The following SPECC1L variants were observed in gnomAD, a reference collection of about 807,000 sequenced individuals.
SPECC1L encodes the protein cytospin-A.
A neutral mutation model predicts 116.8 loss-of-function variants in SPECC1L; 40 were observed. The ratio of observed to expected loss-of-function variants is 0.34; its 90% confidence interval spans 0.27 to 0.45. The LOEUF (loss-of-function observed/expected upper bound fraction) is 0.45. SPECC1L is among the 20% of genes least tolerant of loss of function. SPECC1L has a pLI of 1.00. For missense variants in SPECC1L, 1,110 were observed against 1,373.6 expected, an observed-to-expected ratio of 0.81 and a Z score of 3.03; for synonymous variants, 504 against 500.6, an observed-to-expected ratio of 1.01 and a Z score of -0.09.
intron 2 of SPECC1L, among the ~76,000 whole-genome samples, chr22:24,290,051 A>G (rs570419998): frequency 1.3e-5 from 2 of 152,202 alleles, no homozygotes; most frequent in East Asian, 3.9e-4. Flanking sequence ...CTTGGCCTCC[A>G]TCCCTCCACT....
At chr22:24,284,094 A>G (rs540171474) in intron 2 of SPECC1L, among the ~76,000 whole-genome samples, 16 of 151,886 alleles carry the variant, frequency 1.1e-4, no homozygotes, top group African/African-American at 3.9e-4. Context: ...TTTTGCTTAG[A>G]TGTTTATTCT....
intron 10 of SPECC1L, among the ~76,000 whole-genome samples, chr22:24,340,619 T>C (rs558266851): frequency 3.9e-5 from 6 of 152,234 alleles, no homozygotes; most frequent in Non-Finnish European, 8.8e-5. Context: ...TGTAAATCTT[T>C]GTAAAGATAG....
intron 14 of SPECC1L, among the ~76,000 whole-genome samples, chr22:24,369,554 G>A (rs2041835113): frequency 6.6e-6 from 1 of 152,052 alleles, no homozygotes; most frequent in African/African-American, 2.4e-5. Flanking sequence ...ATAATAATAA[G>A]CTGGCATGGT....
At chr22:24,379,510 C>T (rs1169438419) in intron 14 of SPECC1L, among the ~76,000 whole-genome samples, 1 of 151,998 alleles carries the variant, frequency 6.6e-6, no homozygotes, top group African/African-American at 2.4e-5. Context: ...TCTATGTTTA[C>T]CTTAATATAT....
intron 14 of SPECC1L, among the ~76,000 whole-genome samples, chr22:24,409,921 C>T (rs1397910668): frequency 6.6e-6 from 1 of 152,160 alleles, no homozygotes; most frequent in East Asian, 1.9e-4. Context: ...GTCCCAGCTA[C>T]TCAGGAGGCT....
At chr22:24,367,090 A>T (rs1431898218) in intron 13 of SPECC1L, among the ~76,000 whole-genome samples, 4 of 152,198 alleles carry the variant, frequency 2.6e-5, no homozygotes, top group African/African-American at 4.8e-5. Flanking sequence ...GCTACGTGGG[A>T]GGCTGAGGCC....
In SPECC1L at chr22:24,415,636, T is replaced by A. The variant is rs1409243926; in HGVS notation, c.*1013T>A. The A allele has an allele frequency of 6.6e-6, 1 of 152,440 alleles. No individual in the cohort carries two copies. Among genetic ancestry groups the A allele is most frequent in the East Asian group, 1.9e-4 (1 of 5,184 alleles). 9.4% of individuals were successfully genotyped at this position (152,440 alleles called of 1,614,324 possible). ...ACTCACTGAGTCACTAAGACATAATTCTCCTAGGCCAGAGTTAAAGAAAGT... is the reference window on the plus strand; with the variant it reads ...ACTCACTGAGTCACTAAGACATAATACTCCTAGGCCAGAGTTAAAGAAAGT... On this transcript the variant is annotated 3_prime_UTR_variant, in exon 17 of 17. Coordinates refer to ENST00000314328, the MANE Select transcript of SPECC1L (RefSeq NM_015330.6).
chr22:24,392,106 AATTGGCTCTCC>A (rs1453248753), intron 14 of SPECC1L, among the ~76,000 whole-genome samples: 1 of 152,156 alleles, frequency 6.6e-6, no homozygotes, highest in Non-Finnish European at 1.5e-5. Flanking sequence ...AAGACCATAC[AATTGGCTCTCC>A]AAGCTCCCAG....
At position 24,365,377 on chromosome 22, in the gene SPECC1L, G is replaced by T. The variant is rs185547481; in HGVS notation, c.2828-99G>T. The T allele has an allele frequency of 2.1e-5, 23 of 1,100,270 alleles. No homozygotes were observed. In the East Asian group the frequency reaches 5.0e-4, roughly 24 times the overall value. 68.2% of individuals were successfully genotyped at this position (1,100,270 alleles called of 1,614,324 possible). On this transcript the variant is annotated intron_variant, in intron 12 of 16. Transcript: ENST00000314328. ...CAATATTAGTTTTTCCTCCTGTATG[G>T]TAATATCTGTTGTTTTTGGAATCTT...
At chr22:24,381,266 A>C (rs204719) in intron 14 of SPECC1L, among the ~76,000 whole-genome samples, 1 of 152,222 alleles carries the variant, frequency 6.6e-6, no homozygotes. Context: ...AAAAATCTCA[A>C]TGTTTTCTGA....
intron 14 of SPECC1L, among the ~76,000 whole-genome samples, chr22:24,387,474 G>A (rs1278756614): frequency 6.6e-6 from 1 of 152,112 alleles, no homozygotes; most frequent in African/African-American, 2.4e-5. Context: ...TTCACTTTGT[G>A]AAAATTCTTT....
At chr22:24,334,263 C>T (rs1231277718) in intron 8 of SPECC1L, 147 bp from the exon 9 acceptor site, 19 of 727,428 alleles carry the variant, frequency 2.6e-5, no homozygotes, top group East Asian at 5.9e-5. Context: ...CCTCCTGCCT[C>T]GGCCTCCCAA....
At chr22:24,317,370 C>T (rs2146458869) in intron 4 of SPECC1L, among the ~76,000 whole-genome samples, 1 of 122,050 alleles carries the variant, frequency 8.2e-6, no homozygotes, top group South Asian at 2.7e-4. Context: ...GGGCTCCTCA[C>T]TTCCCAGTAG....
At chr22:24,396,473 T>G (rs1299032710) in intron 14 of SPECC1L, among the ~76,000 whole-genome samples, 1 of 152,088 alleles carries the variant, frequency 6.6e-6, no homozygotes, top group Non-Finnish European at 1.5e-5. Flanking sequence ...AATTTTTGTA[T>G]TTTTAGTTGA....
At chr22:24,323,076 A>T (rs932187085) in intron 5 of SPECC1L, 158 bp downstream of exon 5, 2 of 983,892 alleles carry the variant, frequency 2.0e-6, no homozygotes, top group African/African-American at 3.5e-5. Context: ...CTTTTATTGG[A>T]ATAGTGTGAA....
chr22:24,360,927 G>C (rs1033141568), intron 11 of SPECC1L, among the ~76,000 whole-genome samples: 2 of 152,148 alleles, frequency 1.3e-5, no homozygotes, highest in African/African-American at 4.8e-5. Flanking sequence ...ACAGAGTTCA[G>C]AATTCTGTGA....
At chr22:24,320,126 A>C (rs1292137570) in intron 4 of SPECC1L, among the ~76,000 whole-genome samples, 1 of 152,154 alleles carries the variant, frequency 6.6e-6, no homozygotes, top group Non-Finnish European at 1.5e-5. Context: ...ATACAAAAAA[A>C]TTAGCCAGGC....
intron 14 of SPECC1L, among the ~76,000 whole-genome samples, chr22:24,393,101 G>A (rs192754624): frequency 2.0e-5 from 3 of 152,338 alleles, no homozygotes; most frequent in Admixed American, 2.0e-4. Flanking sequence ...CAGTTACAAG[G>A]GGAAGGGAAA....
intron 11 of SPECC1L, among the ~76,000 whole-genome samples, chr22:24,356,322 G>C (rs1384286301): frequency 6.6e-6 from 1 of 151,960 alleles, no homozygotes; most frequent in Non-Finnish European, 1.5e-5. Flanking sequence ...AGTTCTATCA[G>C]GTTTTACCTC....
Sources: gnomAD v4.1 joint callset for allele counts (sites outside exome capture counted in the v4.1 genomes callset) on GRCh38, gnomAD v4.1.1 for gene constraint, MANE v1.5 for transcripts, NCBI Gene and HGNC (gene_info 2026-07-23, HGNC 2026-07-21) for gene names.